Variants in NOTCH2 observed in about 807,000 individuals in gnomAD.
NOTCH2 encodes the protein neurogenic locus notch homolog protein 2.
NOTCH2 carries 29 observed loss-of-function variants against 235.8 expected under a neutral mutation model. The ratio of observed to expected loss-of-function variants is 0.12; its 90% CI spans 0.09 to 0.17. The LOEUF is 0.17. Among genes scored for constraint, NOTCH2 ranks in the 10% least tolerant of loss-of-function variants. NOTCH2 has a pLI of 1.00. For missense variants in NOTCH2, 2,285 were observed against 3,150.2 expected (o/e 0.73, Z 6.57); for synonymous variants, 1,086 against 1,141.5 (o/e 0.95, Z 0.98).
intron 12 of NOTCH2, among the ~76,000 whole-genome samples, chr1:119,957,432 A>C (rs1442888350): frequency 6.6e-6 from 1 of 152,238 alleles, no homozygotes; most frequent in Non-Finnish European, 1.5e-5. Flanking sequence ...AGAACAGATA[A>C]CTTAGTATTA....
intron 33 of NOTCH2, 116 bp from the exon 34 acceptor site, chr1:119,916,810 G>T: frequency 1.0e-6 from 1 of 1,003,040 alleles, no homozygotes; most frequent in Non-Finnish European, 1.5e-6. Context: ...TTATCTCCCC[G>T]ATGAAATATT....
At chr1:119,939,381 T>G (rs1322085635) in intron 19 of NOTCH2, among the ~76,000 whole-genome samples, 1 of 152,240 alleles carries the variant, frequency 6.6e-6, no homozygotes, top group Admixed American at 6.5e-5. Context: ...CCTACATGTA[T>G]AGCCACCCTG....
intron 12 of NOTCH2, 100 bp from the exon 13 acceptor site, chr1:119,955,332 C>A (rs188878367): frequency 1.4e-5 from 17 of 1,246,686 alleles, no homozygotes; most frequent in Non-Finnish European, 1.9e-5. Context: ...TCTGCTCAGG[C>A]CATAAGGTGC....
rs1649040931 is a variant in NOTCH2, at chr1:119,915,713, G to T, written c.7009C>A (p.Pro2337Thr). Residue 2337 changes from proline to threonine, a missense_variant, in exon 34 of 34, where the codon CCC (proline) becomes ACC (threonine). Transcript: ENST00000256646. ...TCPPAVAGPL[P>T]TMYQIPEMAR... ...ATTTCTGGAATCTGGTACATGGTGG[G>T]CAGGGGGCCCGCAACAGCTGGAGGG... The T allele has an allele frequency of 1.2e-6, 2 of 1,609,836 alleles. No individual in the cohort carries two copies. The highest frequency in any genetic ancestry group is 1.7e-6 in the Non-Finnish European group (2 of 1,177,188).
intron 29 of NOTCH2, among the ~76,000 whole-genome samples, chr1:119,921,286 T>C (rs1186818823): frequency 6.6e-6 from 1 of 152,192 alleles, no homozygotes; most frequent in African/African-American, 2.4e-5. Context: ...AATGTCAACG[T>C]TTTGCCATGA....
At chr1:120,064,659 C>T (rs1655434469) in intron 1 of NOTCH2, among the ~76,000 whole-genome samples, 1 of 146,580 alleles carries the variant, frequency 6.8e-6, no homozygotes. Flanking sequence ...GTGGCAGAGA[C>T]AACTCAACAC....
intron 17 of NOTCH2, among the ~76,000 whole-genome samples, chr1:119,947,123 G>A (rs1253794065): frequency 2.6e-5 from 4 of 152,090 alleles, no homozygotes; most frequent in African/African-American, 9.7e-5. Context: ...TTTGGATTAG[G>A]TGAAGATTTG....
intron 11 of NOTCH2, among the ~76,000 whole-genome samples, chr1:119,961,037 T>C (rs1304591167): frequency 1.3e-5 from 2 of 152,176 alleles, no homozygotes; most frequent in Non-Finnish European, 2.9e-5. Context: ...AGTACGCTGC[T>C]TTGCCTGTCA....
intron 3 of NOTCH2, among the ~76,000 whole-genome samples, chr1:120,000,943 T>A (rs1462051379): frequency 6.6e-6 from 1 of 151,896 alleles, no homozygotes; most frequent in Admixed American, 6.6e-5. Context: ...TCTCCCAGAA[T>A]TCCCATGTGT....
chr1:119,979,668 A>C (rs189864234), intron 5 of NOTCH2, among the ~76,000 whole-genome samples: 1 of 152,356 alleles, frequency 6.6e-6, no homozygotes, highest in East Asian at 1.9e-4. Context: ...AACACAAAAC[A>C]AGTAGCACAT....
At chr1:120,006,974 G>A (rs1553206382) in intron 2 of NOTCH2, among the ~76,000 whole-genome samples, 1 of 152,240 alleles carries the variant, frequency 6.6e-6, no homozygotes, top group African/African-American at 2.4e-5. Context: ...CAGAAGAATT[G>A]TGCGGTAGCT....
At chr1:119,917,519 C>A in intron 33 of NOTCH2, 146 bp downstream of exon 33, 3 of 702,540 alleles carry the variant, frequency 4.3e-6, no homozygotes, top group South Asian at 3.1e-5. Context: ...ATATCCTCAT[C>A]AAGCTCTCGA....
intron 10 of NOTCH2, among the ~76,000 whole-genome samples, chr1:119,964,537 C>T (rs1371386669): frequency 6.6e-6 from 1 of 152,028 alleles, no homozygotes; most frequent in Non-Finnish European, 1.5e-5. Flanking sequence ...TAACTATTTG[C>T]AAAAAGAAAG....
At chr1:119,942,760 G>T (rs1553196615) in intron 17 of NOTCH2, among the ~76,000 whole-genome samples, 1 of 151,978 alleles carries the variant, frequency 6.6e-6, no homozygotes, top group Admixed American at 6.6e-5. Context: ...GTTACTTAAT[G>T]TGAGAAAGGA....
chr1:119,999,955 GAAAGAAAGA>G, intron 3 of NOTCH2, among the ~76,000 whole-genome samples: 11 of 129,536 alleles, frequency 8.5e-5, no homozygotes, highest in African/African-American at 3.9e-4. Flanking sequence ...AAGAAAGAAA[GAAAGAAAGA>G]AAGAAAGAAA....
intron 11 of NOTCH2, 46 bp from the exon 12 acceptor site, chr1:119,959,548 A>AGCCT: frequency 7.8e-6 from 8 of 1,029,926 alleles, no homozygotes; most frequent in Non-Finnish European, 1.1e-5. Context: ...TACCACAGAA[A>AGCCT]TACTAAGGCT....
intron 15 of NOTCH2, among the ~76,000 whole-genome samples, chr1:119,949,840 C>T (rs1483538572): frequency 6.6e-6 from 1 of 152,156 alleles, no homozygotes; most frequent in Non-Finnish European, 1.5e-5. Flanking sequence ...AATAACTCAG[C>T]CATGCTCCTG....
At chr1:119,948,280 T>C (rs1397290207) in intron 17 of NOTCH2, 134 bp downstream of exon 17, 2 of 901,732 alleles carry the variant, frequency 2.2e-6, no homozygotes, top group Non-Finnish European at 3.6e-6. Context: ...AAAACACTAC[T>C]GTTAAATATG....
At chr1:119,947,427 CAG>C (rs1650299625) in intron 17 of NOTCH2, among the ~76,000 whole-genome samples, 1 of 152,130 alleles carries the variant, frequency 6.6e-6, no homozygotes, top group South Asian at 2.1e-4. Context: ...ACATCATTGG[CAG>C]AGAGAATAAT....
Sources: allele counts gnomAD v4.1 joint callset (sites outside exome capture counted in the v4.1 genomes callset), GRCh38; gene constraint gnomAD v4.1.1; transcripts MANE v1.5; gene names NCBI Gene and HGNC (gene_info 2026-07-23, HGNC 2026-07-21).